The following GLT8D2 variants were observed in gnomAD, a reference collection of about 807,000 sequenced individuals.
GLT8D2 encodes the protein glycosyltransferase 8 domain containing 2.
Under a neutral mutation model 44.5 loss-of-function variants are expected in GLT8D2, and 45 were observed. The ratio of observed to expected loss-of-function variants is 1.01; its 90% CI spans 0.80 to 1.30. The LOEUF (loss-of-function observed/expected upper bound fraction) is 1.30, where lower values mean the gene tolerates loss of function less well. Ranked by LOEUF, GLT8D2 falls within the 50% of genes most tolerant of loss-of-function variation. The pLI, the probability that GLT8D2 is intolerant of heterozygous loss-of-function variation, is 0.00. For synonymous variants in GLT8D2, 156 were observed against 157.2 expected, an observed-to-expected ratio of 0.99 and a Z score of 0.06; for missense variants, 400 against 430.4, an observed-to-expected ratio of 0.93 and a Z score of 0.62.
chr12:104,003,997 T>A (rs1011183360), intron 4 of GLT8D2, among the ~76,000 whole-genome samples: 4 of 152,114 alleles, frequency 2.6e-5, no homozygotes, highest in African/African-American at 9.7e-5. Context: ...ACTGGCAAAC[T>A]GAATCCAGCA....
intron 6 of GLT8D2, among the ~76,000 whole-genome samples, chr12:103,998,752 G>T (rs1462012904): frequency 6.6e-6 from 1 of 152,026 alleles, no homozygotes; most frequent in East Asian, 1.9e-4. Flanking sequence ...TCAATATGTT[G>T]CCCAAGCTGG....
intron 10 of GLT8D2, among the ~76,000 whole-genome samples, chr12:103,991,715 T>G (rs571126502): frequency 6.6e-6 from 1 of 152,122 alleles, no homozygotes; most frequent in South Asian, 2.1e-4. Flanking sequence ...GGCACTCTTT[T>G]GTGCATATAC....
intron 1 of GLT8D2, among the ~76,000 whole-genome samples, chr12:104,058,030 A>G (rs1882332804): frequency 6.6e-6 from 1 of 152,190 alleles, no homozygotes; most frequent in Non-Finnish European, 1.5e-5. Context: ...AACAGCCACT[A>G]TGATTTGGTG....
intron 10 of GLT8D2, 58 bp from the exon 11 acceptor site, chr12:103,989,635 A>G: frequency 7.3e-7 from 1 of 1,365,148 alleles, no homozygotes. Flanking sequence ...TTTTTGTATT[A>G]TAAATTGAAT....
intron 3 of GLT8D2, among the ~76,000 whole-genome samples, chr12:104,017,425 C>T (rs569970959): frequency 1.3e-5 from 2 of 152,200 alleles, no homozygotes; most frequent in East Asian, 1.9e-4. Context: ...TGGATTCAAG[C>T]GATTCTCCTG....
chr12:104,019,764 G>T, intron 2 of GLT8D2, 88 bp from the exon 3 acceptor site: 1 of 800,368 alleles, frequency 1.2e-6, no homozygotes, highest in Non-Finnish European at 2.0e-6. Context: ...TTCCCTGAAA[G>T]ACTGATATAT....
At chr12:104,047,613 C>T (rs937875014) in intron 1 of GLT8D2, among the ~76,000 whole-genome samples, 2 of 152,066 alleles carry the variant, frequency 1.3e-5, no homozygotes, top group South Asian at 2.1e-4. Context: ...GCCTCTTAGG[C>T]CTATTTTACA....
intron 10 of GLT8D2, among the ~76,000 whole-genome samples, chr12:103,992,524 G>A (rs1406741220): frequency 1.4e-5 from 2 of 146,092 alleles, no homozygotes; most frequent in Non-Finnish European, 3.0e-5. Flanking sequence ...TAGAGTTTCG[G>A]TCCTGTCGCC....
chr12:104,054,937 T>C (rs951228130), upstream of GLT8D2, among the ~76,000 whole-genome samples: 2 of 152,078 alleles, frequency 1.3e-5, no homozygotes, highest in African/African-American at 4.8e-5. Flanking sequence ...CTCCCTCCAA[T>C]AGGGTAATGG....
At chr12:104,046,565 A>G (rs1204942750) in intron 1 of GLT8D2, among the ~76,000 whole-genome samples, 1 of 152,258 alleles carries the variant, frequency 6.6e-6, no homozygotes, top group Admixed American at 6.5e-5. Context: ...AGCAACTGAC[A>G]TAAGCTCTGT....
chr12:104,026,759 A>G (rs185539411), intron 1 of GLT8D2, among the ~76,000 whole-genome samples: 94 of 152,302 alleles, frequency 6.2e-4, no homozygotes, highest in African/African-American at 2.1e-3. Context: ...TTGGCAACTG[A>G]CTTCCTCTAT....
chr12:104,002,986 GAGAC>G (rs902608057), intron 5 of GLT8D2, 145 bp downstream of exon 5: 21 of 620,204 alleles, frequency 3.4e-5, no homozygotes, highest in Non-Finnish European at 5.3e-5. Context: ...GAGAGAGAGA[GAGAC>G]AGAAAGAGAG....
intron 1 of GLT8D2, among the ~76,000 whole-genome samples, chr12:104,039,743 C>A (rs1880332135): frequency 6.6e-6 from 1 of 152,154 alleles, no homozygotes; most frequent in Non-Finnish European, 1.5e-5. Context: ...TGTGGTGATG[C>A]CTCAAGGATC....
intron 5 of GLT8D2, among the ~76,000 whole-genome samples, chr12:104,001,287 T>C (rs1427087112): frequency 1.3e-5 from 2 of 152,254 alleles, no homozygotes; most frequent in African/African-American, 4.8e-5. Context: ...TTGGTGGACA[T>C]TTCAGCACTT....
chr12:104,032,465 G>GCAAAAAAA (rs1879383684), intron 1 of GLT8D2, among the ~76,000 whole-genome samples: 1 of 17,944 alleles, frequency 5.6e-5, no homozygotes, highest in East Asian at 2.4e-3. Flanking sequence ...ATGTGCAATA[G>GCAAAAAAA]CAAAAAAAAA....
chr12:104,054,960 A>T (rs1177146251), upstream of GLT8D2, among the ~76,000 whole-genome samples: 3 of 152,144 alleles, frequency 2.0e-5, no homozygotes, highest in Admixed American at 1.3e-4. Flanking sequence ...GAGACTTTTT[A>T]AAAAGGCACT....
intron 3 of GLT8D2, among the ~76,000 whole-genome samples, chr12:104,018,214 C>A (rs775840571): frequency 6.6e-6 from 1 of 152,134 alleles, no homozygotes; most frequent in Non-Finnish European, 1.5e-5. Flanking sequence ...TCAAGCAATC[C>A]ACCTGCCTCG....
intron 1 of GLT8D2, chr12:104,030,758 C>A: frequency 6.2e-7 from 1 of 1,612,094 alleles, no homozygotes; most frequent in East Asian, 2.2e-5. Context: ...CCAGTCGGTG[C>A]CGCATCCCCA....
At chr12:104,041,369 G>A (rs545099101) in intron 1 of GLT8D2, among the ~76,000 whole-genome samples, 5 of 152,298 alleles carry the variant, frequency 3.3e-5, no homozygotes, top group African/African-American at 7.2e-5. Context: ...GGCCAAGATC[G>A]CACCATTGCA....
Sources: allele counts gnomAD v4.1 joint callset (sites outside exome capture counted in the v4.1 genomes callset), GRCh38; gene constraint gnomAD v4.1.1; transcripts MANE v1.5; gene names NCBI Gene and HGNC (gene_info 2026-07-23, HGNC 2026-07-21).